ANOS1: variants seen among roughly 807,000 people sequenced by gnomAD.
ANOS1 encodes anosmin 1, also known as anosmin-1.
ANOS1 carries 6 observed loss-of-function variants against 59.0 expected under a neutral mutation model. The ratio of observed to expected loss-of-function variants is 0.10; its 90% CI spans 0.06 to 0.20. The LOEUF is 0.20. ANOS1 is among the 10% of genes least tolerant of loss of function. The pLI is 1.00. For missense variants in ANOS1, 433 were observed against 542.3 expected (o/e 0.80, Z 2.00); for synonymous variants, 217 against 223.4 (o/e 0.97, Z 0.25).
At chrX:8,597,989 A>C (rs1930773845) in intron 3 of ANOS1, among the ~76,000 whole-genome samples, 1 of 111,608 alleles carries the variant, frequency 9.0e-6, no homozygotes, top group South Asian at 3.7e-4. Context: ...TATATCATAA[A>C]TACTCATCAA....
intron 1 of ANOS1, among the ~76,000 whole-genome samples, chrX:8,731,597 G>A (rs1473068253): frequency 8.9e-6 from 1 of 112,738 alleles, no homozygotes; most frequent in African/African-American, 3.2e-5. Flanking sequence ...CTGCTGGGAA[G>A]GAGGGAGTTG....
chrX:8,658,940 G>A (rs1251272306), intron 2 of ANOS1, among the ~76,000 whole-genome samples: 1 of 111,248 alleles, frequency 9.0e-6, no homozygotes, highest in Non-Finnish European at 1.9e-5. Flanking sequence ...TAAAAAATTA[G>A]CAGGGAGGCC....
intron 2 of ANOS1, among the ~76,000 whole-genome samples, chrX:8,685,974 C>T (rs1932516650): frequency 8.9e-6 from 1 of 112,073 alleles, no homozygotes; most frequent in Non-Finnish European, 1.9e-5. Flanking sequence ...AGCGCCCCAC[C>T]TTTGTTCCAC....
chrX:8,619,996 G>A (rs191340994), intron 3 of ANOS1, among the ~76,000 whole-genome samples: 2 of 112,016 alleles, frequency 1.8e-5, no homozygotes, highest in East Asian at 2.8e-4. Flanking sequence ...GCAATGGCAT[G>A]ATCATAGCTC....
At chrX:8,614,910 A>AAATTTT in intron 3 of ANOS1, among the ~76,000 whole-genome samples, 1 of 110,732 alleles carries the variant, frequency 9.0e-6, no homozygotes, top group African/African-American at 3.3e-5. Flanking sequence ...AAATATAAAA[A>AAATTTT]TTGAGTCTCA....
chrX:8,704,954 T>C (rs1251030293), intron 1 of ANOS1, among the ~76,000 whole-genome samples: 2 of 111,311 alleles, frequency 1.8e-5, no homozygotes, highest in Non-Finnish European at 3.8e-5. Context: ...GTATTGAAAA[T>C]ACTAAGATAC....
intron 3 of ANOS1, among the ~76,000 whole-genome samples, chrX:8,621,993 C>T (rs1244182488): frequency 8.9e-6 from 1 of 111,872 alleles, no homozygotes; most frequent in Non-Finnish European, 1.9e-5. Flanking sequence ...CAAACAAAGA[C>T]ATGGGATGGC....
At chrX:8,576,056 G>A (rs569611605) in intron 6 of ANOS1, among the ~76,000 whole-genome samples, 42 of 111,710 alleles carry the variant, frequency 3.8e-4, no homozygotes, top group African/African-American at 1.2e-3. Flanking sequence ...CTACAGTGAG[G>A]TACGACTGCA....
intron 6 of ANOS1, among the ~76,000 whole-genome samples, chrX:8,572,726 C>T (rs2146808687): frequency 9.0e-6 from 1 of 111,727 alleles, no homozygotes; most frequent in Admixed American, 9.5e-5. Flanking sequence ...TCTGGAATGT[C>T]CAAGACTTAT....
chrX:8,594,328 T>G (rs918870665), intron 4 of ANOS1, among the ~76,000 whole-genome samples: 2 of 109,416 alleles, frequency 1.8e-5, no homozygotes, highest in Admixed American at 2.0e-4. Context: ...GCAGGTTGGT[T>G]TGTGCGCTGA....
At chrX:8,634,611 G>A (rs1025640829) in intron 2 of ANOS1, among the ~76,000 whole-genome samples, 1 of 111,855 alleles carries the variant, frequency 8.9e-6, no homozygotes, top group African/African-American at 3.3e-5. Context: ...TTGACAGAGA[G>A]CTTGCAATAC....
chrX:8,698,144 A>G (rs890767357), intron 2 of ANOS1, among the ~76,000 whole-genome samples: 9 of 112,022 alleles, frequency 8.0e-5, no homozygotes, highest in Non-Finnish European at 1.5e-4. Context: ...GTTGGGCTTA[A>G]TTGTGACTTA....
chrX:8,607,821 C>G (rs762828696), intron 3 of ANOS1, among the ~76,000 whole-genome samples: 2 of 35,264 alleles, frequency 5.7e-5, no homozygotes, highest in South Asian at 3.9e-3. Flanking sequence ...AATGATGACC[C>G]ACTATGCTTA....
At chrX:8,558,190 A>T (rs912089819) in intron 8 of ANOS1, among the ~76,000 whole-genome samples, 15 of 110,251 alleles carry the variant, frequency 1.4e-4, no homozygotes, top group Non-Finnish European at 2.8e-4. Flanking sequence ...GGGCAAGGGG[A>T]GGGACAGTGT....
In ANOS1 at chrX:8,536,826, T is replaced by C. The variant is rs1929603323; in HGVS notation, c.1566A>G (p.Pro522=). 2.5e-6 allele frequency: 3 copies of C among 1,207,512 alleles called. No homozygotes were observed. The highest frequency in any genetic ancestry group is 1.8e-5 in the African/African-American group (1 of 57,080). ...KAEAVFFTTP[P]CSALKGKSHK... ...GGCTCTTCCCCTTAAGAGCAGAGCA[T>C]GGTGGAGTAGTGAAGAAAACAGCTT... is the stretch of plus-strand genomic sequence containing the variant. The change falls in exon 11 of 14, where the codon CCA becomes CCG. Residue 522 remains proline, a synonymous_variant. Coordinates refer to ENST00000262648, the MANE Select transcript of ANOS1 (RefSeq NM_000216.4).
intron 2 of ANOS1, among the ~76,000 whole-genome samples, chrX:8,637,975 A>G (rs1931599174): frequency 8.9e-6 from 1 of 112,133 alleles, no homozygotes. Flanking sequence ...TTCATTCTCC[A>G]GCTTCCTGGG....
intron 1 of ANOS1, among the ~76,000 whole-genome samples, chrX:8,715,106 C>T (rs922203892): frequency 8.9e-6 from 1 of 112,209 alleles, no homozygotes; most frequent in East Asian, 2.8e-4. Flanking sequence ...GTGTTCATTG[C>T]AGAATTAGAA....
intron 8 of ANOS1, chrX:8,566,092 T>G (rs1442562949): frequency 2.7e-6 from 2 of 753,236 alleles, no homozygotes; most frequent in Middle Eastern, 1.5e-3. Flanking sequence ...TGTGGAATGA[T>G]GTCCATTCCT....
chrX:8,616,284 G>T (rs752071898), intron 3 of ANOS1, among the ~76,000 whole-genome samples: 1 of 111,467 alleles, frequency 9.0e-6, no homozygotes, highest in Non-Finnish European at 1.9e-5. Flanking sequence ...AGCTTTCATC[G>T]TTTGGCTATC....
Sources: allele counts gnomAD v4.1 joint callset (sites outside exome capture counted in the v4.1 genomes callset), GRCh38; gene constraint gnomAD v4.1.1; transcripts MANE v1.5; gene names NCBI Gene and HGNC (gene_info 2026-07-23, HGNC 2026-07-21).